Variants in UNC5B observed in about 807,000 individuals in gnomAD.
UNC5B encodes netrin receptor UNC5B.
UNC5B carries 56 observed loss-of-function variants against 103.7 expected under a neutral mutation model. The ratio of observed to expected loss-of-function variants is 0.54; its 90% CI spans 0.44 to 0.67. The LOEUF (loss-of-function observed/expected upper bound fraction) is 0.67. Ranked by LOEUF, UNC5B falls within the 30% of genes least tolerant of loss-of-function variation. The pLI is 0.00. For missense variants in UNC5B, 1,194 were observed against 1,284.5 expected (o/e 0.93, Z 1.08); for synonymous variants, 577 against 542.0 (o/e 1.06, Z -0.90).
In UNC5B at chr10:71,297,821, T is replaced by C. The variant is rs187116301; in HGVS notation, c.2491-88T>C. 73 of 1,403,114 alleles carry C rather than the reference T, an allele frequency of 5.2e-5. No individual in the cohort carries two copies. The African/African-American group carries it at 1.0e-3, about 20-fold the overall frequency. 86.9% of individuals were successfully genotyped at this position (1,403,114 alleles called of 1,614,324 possible). A position where few individuals can be genotyped will look rare whatever the true frequency, so the allele number is the denominator to read the frequency against. ...AGAGGAGGTGGGAGTGACTCAAGGC[T>C]CAATGAGCTCACAGTCCAAGGGGAG... On this transcript the variant is annotated intron_variant, in intron 15 of 16. Coordinates refer to ENST00000335350, the MANE Select transcript of UNC5B (RefSeq NM_170744.5).
chr10:71,254,139 C>A (rs1385464456), intron 1 of UNC5B, among the ~76,000 whole-genome samples: 1 of 152,192 alleles, frequency 6.6e-6, no homozygotes, highest in African/African-American at 2.4e-5. Context: ...ATGCTCTTTC[C>A]CCTATAGCAG....
At chr10:71,217,478 C>T in intron 1 of UNC5B, 1 of 152,174 alleles carries the variant, frequency 6.6e-6, no homozygotes, top group Non-Finnish European at 1.5e-5. Context: ...GCTGGCATCC[C>T]GGCGCTGGCC....
At position 71,212,980 on chromosome 10, in the gene UNC5B, G is replaced by A; in HGVS notation, c.-6G>A. 1 of 1,371,344 alleles carries A rather than the reference G, an allele frequency of 7.3e-7. No homozygotes were observed. The highest frequency in any genetic ancestry group is 9.4e-7 in the Non-Finnish European group (1 of 1,058,400). 84.9% of individuals were successfully genotyped at this position (1,371,344 alleles called of 1,614,324 possible). A position where few individuals can be genotyped will look rare whatever the true frequency, so the allele number is the denominator to read the frequency against. ...GGGAGAGGCGCCCGAACCAGGCCGCGGGAGCATGGGGGCCCGGAGCGGAGC... is the reference window on the plus strand; with the variant it reads ...GGGAGAGGCGCCCGAACCAGGCCGCAGGAGCATGGGGGCCCGGAGCGGAGC... On this transcript the variant is annotated 5_prime_UTR_variant, in exon 1 of 17. Coordinates refer to ENST00000335350, the MANE Select transcript of UNC5B (RefSeq NM_170744.5).
At chr10:71,266,282 T>C (rs536456944) in intron 1 of UNC5B, among the ~76,000 whole-genome samples, 3 of 152,078 alleles carry the variant, frequency 2.0e-5, no homozygotes, top group African/African-American at 7.2e-5. Context: ...CCAGAGCGCC[T>C]TCTCCTTGGC....
At chr10:71,278,840 G>A (rs371362683) in intron 1 of UNC5B, among the ~76,000 whole-genome samples, 1 of 152,252 alleles carries the variant, frequency 6.6e-6, no homozygotes, top group African/African-American at 2.4e-5. Context: ...AGCCCCCAAC[G>A]GCTTGTGCCC....
At chr10:71,265,583 G>A (rs1032005478) in intron 1 of UNC5B, among the ~76,000 whole-genome samples, 6 of 152,234 alleles carry the variant, frequency 3.9e-5, no homozygotes, top group Non-Finnish European at 8.8e-5. Flanking sequence ...GGGGGCTTCA[G>A]CTGCATGCTG....
Position 71,288,558 on chromosome 10 carries a change from G to A in UNC5B, c.902-10G>A, listed in dbSNP as rs559323367. 1.2e-6 allele frequency: 2 copies of A among 1,610,038 alleles called. No individual in the cohort carries two copies. The highest frequency in any genetic ancestry group is 1.1e-5 in the South Asian group (1 of 90,852). On this transcript the variant is annotated splice_polypyrimidine_tract_variant and intron_variant, in intron 6 of 16. Transcript: ENST00000335350. ...GCGTGCACATGCTCCTGTATGCCATGCTCTTACAGTCGATGGGGCGTGGAC... is the reference window on the plus strand; with the variant it reads ...GCGTGCACATGCTCCTGTATGCCATACTCTTACAGTCGATGGGGCGTGGAC...
intron 1 of UNC5B, among the ~76,000 whole-genome samples, chr10:71,235,014 G>A (rs920454002): frequency 2.0e-5 from 3 of 152,028 alleles, no homozygotes; most frequent in African/African-American, 4.8e-5. Flanking sequence ...CACCCCCAGC[G>A]CCCAGGGGGG....
intron 10 of UNC5B, among the ~76,000 whole-genome samples, chr10:71,292,225 C>T (rs1050619877): frequency 4.6e-5 from 7 of 152,184 alleles, no homozygotes; most frequent in Admixed American, 3.9e-4. Context: ...GTAGAGCTGG[C>T]ACTTGGACCT....
intron 1 of UNC5B, among the ~76,000 whole-genome samples, chr10:71,221,508 C>A (rs1158906506): frequency 6.6e-6 from 1 of 152,208 alleles, no homozygotes; most frequent in Non-Finnish European, 1.5e-5. Flanking sequence ...CACCAGCCCA[C>A]CCTAAAACCT....
intron 1 of UNC5B, among the ~76,000 whole-genome samples, chr10:71,255,936 G>A (rs566050430): frequency 5.3e-5 from 8 of 152,310 alleles, no homozygotes; most frequent in South Asian, 4.1e-4. Context: ...GAGCCCCCAC[G>A]GTGGGGAGGA....
rs2132320795 is a variant in UNC5B, at chr10:71,299,797, G to C, written c.*520G>C. Reference sequence around the variant, plus strand: ...CAAAAAGGCAAAGGAAAGAAAGAAAGCTTCAGACCGCTAGTAAGGCTCAAA... The same window carrying C: ...CAAAAAGGCAAAGGAAAGAAAGAAACCTTCAGACCGCTAGTAAGGCTCAAA... On this transcript the variant is annotated 3_prime_UTR_variant, in exon 17 of 17. Transcript: ENST00000335350. The C allele has an allele frequency of 6.6e-6, 1 of 152,528 alleles. No homozygotes were observed. The allele number at this position is 152,528 out of a possible 1,614,324, so 9.4% of individuals were successfully genotyped here.
intron 1 of UNC5B, among the ~76,000 whole-genome samples, chr10:71,239,531 A>G (rs983589407): frequency 6.6e-6 from 1 of 152,146 alleles, no homozygotes; most frequent in Non-Finnish European, 1.5e-5. Flanking sequence ...TAATAGTTCC[A>G]GCCTCATGGG....
intron 1 of UNC5B, among the ~76,000 whole-genome samples, chr10:71,266,788 TA>T (rs1239762070): frequency 6.6e-6 from 1 of 152,210 alleles, no homozygotes; most frequent in Non-Finnish European, 1.5e-5. Flanking sequence ...CAGTTTCAGT[TA>T]CCCATGGCCA....
chr10:71,230,830 C>T (rs1394632122), intron 1 of UNC5B, among the ~76,000 whole-genome samples: 1 of 152,264 alleles, frequency 6.6e-6, no homozygotes, highest in African/African-American at 2.4e-5. Context: ...GGGTTCCCCA[C>T]CTTCCCACCA....
At chr10:71,237,031 C>T (rs1304415487) in intron 1 of UNC5B, among the ~76,000 whole-genome samples, 1 of 150,670 alleles carries the variant, frequency 6.6e-6, no homozygotes, top group Non-Finnish European at 1.5e-5. Context: ...GATGGGGGCT[C>T]CAGGGTATTC....
At chr10:71,286,366 C>T (rs532186436) in intron 4 of UNC5B, among the ~76,000 whole-genome samples, 117 of 152,352 alleles carry the variant, frequency 7.7e-4, no homozygotes, top group African/African-American at 2.7e-3. Context: ...TTTAACTCAA[C>T]TTCCTCTGAG....
At chr10:71,280,118 G>GA (rs1844886043) in intron 2 of UNC5B, 73 bp downstream of exon 2, 3 of 1,491,168 alleles carry the variant, frequency 2.0e-6, no homozygotes, top group Admixed American at 1.7e-5. Flanking sequence ...CTCCATGTGA[G>GA]ACTTCACACA....
chr10:71,268,926 C>G (rs1844581793), intron 1 of UNC5B, among the ~76,000 whole-genome samples: 1 of 152,200 alleles, frequency 6.6e-6, no homozygotes, highest in Non-Finnish European at 1.5e-5. Flanking sequence ...CTCCCCGTGC[C>G]AGCTCTGCGT....
Sources: gnomAD v4.1 joint callset for allele counts (sites outside exome capture counted in the v4.1 genomes callset) on GRCh38, gnomAD v4.1.1 for gene constraint, MANE v1.5 for transcripts, NCBI Gene and HGNC (gene_info 2026-07-23, HGNC 2026-07-21) for gene names.